KDM3B: variants seen among roughly 807,000 people sequenced by gnomAD.
KDM3B encodes the protein lysine demethylase 3B, also known as lysine-specific demethylase 3B.
A neutral mutation model predicts 170.0 loss-of-function variants in KDM3B; 10 were observed. That is an observed-to-expected ratio of 0.06 (90% CI 0.04 to 0.10). KDM3B has a LOEUF of 0.10. Ranked by LOEUF, KDM3B falls within the 10% of genes least tolerant of loss-of-function variation. The probability of loss-of-function intolerance (pLI) is 1.00; values close to 1 mark genes in which losing one functional copy is unlikely to be tolerated. For synonymous variants in KDM3B, 831 were observed against 834.8 expected (o/e 1.00, Z 0.08); for missense variants, 1,394 against 2,195.2 (o/e 0.64, Z 7.29).
At chr5:138,417,904 T>C in intron 13 of KDM3B, 1 of 237,422 alleles carries the variant, frequency 4.2e-6, no homozygotes, top group Non-Finnish European at 8.3e-6. Context: ...GTAAAGAATA[T>C]AGAAAAGGTT....
intron 23 of KDM3B, among the ~76,000 whole-genome samples, chr5:138,431,832 G>T (rs1763538942): frequency 6.6e-6 from 1 of 151,664 alleles, no homozygotes; most frequent in African/African-American, 2.4e-5. Context: ...AGAATTGCTT[G>T]AACTGGGAGG....
intron 1 of KDM3B, among the ~76,000 whole-genome samples, chr5:138,361,107 T>C (rs967870108): frequency 2.6e-5 from 4 of 152,220 alleles, no homozygotes; most frequent in Non-Finnish European, 4.4e-5. Flanking sequence ...GTGGGTTCTA[T>C]ATAGGCTTTG....
At chr5:138,395,117 G>A (rs1043164125) in intron 9 of KDM3B, among the ~76,000 whole-genome samples, 2 of 152,146 alleles carry the variant, frequency 1.3e-5, no homozygotes, top group Admixed American at 6.5e-5. Context: ...TAACTTGGCC[G>A]TGTTAAATTT....
rs1353050658 is a variant in KDM3B, at chr5:138,419,726, CAT to C, written c.3715+496_3715+497del. On this transcript the variant is annotated intron_variant, in intron 14 of 23. Coordinates refer to ENST00000314358, the MANE Select transcript of KDM3B (RefSeq NM_016604.4). ...ACACACACACATATATATACACACA[CAT>C]ACACACACACACACACACACACACA... is the stretch of plus-strand genomic sequence containing the variant. Among the ~76,000 whole-genome samples, 374 of 80,410 alleles carry C rather than the reference CAT, an allele frequency of 4.7e-3. 4 individuals are homozygous for C. The highest frequency in any genetic ancestry group is 0.026 in the Middle Eastern group (4 of 156). 52.8% of individuals were successfully genotyped at this position (80,410 alleles called of 152,430 possible).
chr5:138,389,359 T>C (rs1171865809), intron 7 of KDM3B, among the ~76,000 whole-genome samples: 1 of 152,258 alleles, frequency 6.6e-6, no homozygotes, highest in Non-Finnish European at 1.5e-5. Flanking sequence ...TTAACTCCTC[T>C]TGTGTATTTA....
At chr5:138,413,909 G>C (rs1763038361) in intron 11 of KDM3B, among the ~76,000 whole-genome samples, 1 of 152,086 alleles carries the variant, frequency 6.6e-6, no homozygotes, top group Non-Finnish European at 1.5e-5. Context: ...GTAAGCCACT[G>C]CACCCAGCCG....
chr5:138,352,978 G>A lies in KDM3B; in HGVS notation c.183G>A (p.Gln61=), dbSNP rs1184701668. Reference sequence around the variant, plus strand: ...GGGCCATGAGCGGGGCGGTGCCCCAGGACCTAGCGGTGAGTGGCGGCCGAG... The same window carrying A: ...GGGCCATGAGCGGGGCGGTGCCCCAAGACCTAGCGGTGAGTGGCGGCCGAG... ...TVRAMSGAVP[Q]DLAIFVEFDG... is the part of the protein sequence containing the mutation. The change falls in exon 1 of 24, where the codon CAG becomes CAA. Residue 61 remains glutamine (Q), a synonymous_variant. Transcript: ENST00000314358. 3.2e-6 allele frequency: 4 copies of A among 1,233,640 alleles called. No individual in the cohort carries two copies. The highest frequency in any genetic ancestry group is 4.0e-6 in the Non-Finnish European group (4 of 988,698). The allele number at this position is 1,233,640 out of a possible 1,614,324, so 76.4% of individuals were successfully genotyped here.
At chr5:138,426,747 C>A in intron 17 of KDM3B, 1 of 432,002 alleles carries the variant, frequency 2.3e-6, no homozygotes, top group Non-Finnish European at 4.3e-6. Context: ...AAAAATTAGC[C>A]AGGCGTGGTG....
intron 17 of KDM3B, chr5:138,426,764 G>A: frequency 2.2e-6 from 1 of 457,016 alleles, no homozygotes; most frequent in Non-Finnish European, 4.0e-6. Context: ...GGTGGTGGTT[G>A]CCTGTAATCC....
At chr5:138,392,596 A>G (rs1384478186) in intron 8 of KDM3B, among the ~76,000 whole-genome samples, 1 of 152,050 alleles carries the variant, frequency 6.6e-6, no homozygotes, top group Non-Finnish European at 1.5e-5. Context: ...CATCCTCTTT[A>G]CTTCAGAGGG....
intron 11 of KDM3B, among the ~76,000 whole-genome samples, chr5:138,400,288 G>A (rs569630167): frequency 1.5e-4 from 22 of 151,694 alleles, no homozygotes; most frequent in South Asian, 6.2e-4. Context: ...AGGTTGGAGC[G>A]CAGCGGCACA....
At chr5:138,412,142 C>G (rs1762986040) in intron 11 of KDM3B, among the ~76,000 whole-genome samples, 2 of 151,020 alleles carry the variant, frequency 1.3e-5, no homozygotes, top group South Asian at 4.2e-4. Context: ...TCGAGACCAG[C>G]CTGGCCAACA....
At position 138,436,404 on chromosome 5, in the gene KDM3B, C is replaced by T. The variant is rs1763673789; in HGVS notation, c.*704C>T. 6.6e-6 allele frequency: 1 copy of T among 152,252 alleles called. No homozygotes were observed. The highest frequency in any genetic ancestry group is 1.5e-5 in the Non-Finnish European group (1 of 68,046). The allele number at this position is 152,252 out of a possible 1,614,324, so 9.4% of individuals were successfully genotyped here. ...CTGGATTATAAGGAAAGGCACATTA[C>T]ATTTAGTCTTCCTTTCGATATAAAA... On this transcript the variant is annotated 3_prime_UTR_variant, in exon 24 of 24. Transcript: ENST00000314358.
In KDM3B at chr5:138,352,832, C is replaced by G; in HGVS notation, c.37C>G (p.Leu13Val). The G allele has an allele frequency of 7.4e-7, 1 of 1,345,120 alleles. No individual in the cohort carries two copies. The allele number at this position is 1,345,120 out of a possible 1,614,324, so 83.3% of individuals were successfully genotyped here. The change falls in exon 1 of 24, where the codon CTG (leucine) becomes GTG (valine). Residue 13 changes from leucine to valine, a missense_variant. Transcript: ENST00000314358. ...GGCGGCCTCCCCGGTGGGCAAGCGG[C>G]TGCTGCTGCTGTTCGCGGACACTGC... Reference protein sequence around the residue: ...DAAASPVGKRLLLLFADTAAS... With the variant: ...DAAASPVGKRVLLLFADTAAS...
intron 8 of KDM3B, 149 bp downstream of exon 8, chr5:138,392,410 C>A: frequency 1.3e-6 from 1 of 783,590 alleles, no homozygotes; most frequent in Non-Finnish European, 1.8e-6. Flanking sequence ...AGAGGCCCCT[C>A]GTCAGGCCTG....
At chr5:138,406,221 C>T (rs12188728) in intron 11 of KDM3B, among the ~76,000 whole-genome samples, 2 of 152,140 alleles carry the variant, frequency 1.3e-5, no homozygotes, top group African/African-American at 4.8e-5. Context: ...TGGCACACAC[C>T]TGTGGTCCCA....
chr5:138,427,407 T>C, intron 19 of KDM3B, 88 bp downstream of exon 19: 1 of 1,437,026 alleles, frequency 7.0e-7, no homozygotes, highest in Non-Finnish European at 9.5e-7. Flanking sequence ...ATGTCAGGTA[T>C]AGAGATGATT....
At chr5:138,357,873 G>A (rs1761493867) in intron 1 of KDM3B, among the ~76,000 whole-genome samples, 1 of 151,420 alleles carries the variant, frequency 6.6e-6, no homozygotes, top group East Asian at 2.0e-4. Flanking sequence ...GCATGCATGA[G>A]ATTAGGTTTC....
chr5:138,406,965 CATT>C (rs1762839149), intron 11 of KDM3B, among the ~76,000 whole-genome samples: 2 of 147,202 alleles, frequency 1.4e-5, no homozygotes, highest in Non-Finnish European at 3.0e-5. Flanking sequence ...AAATTATGAA[CATT>C]ATTATGCCAA....
Sources: allele counts gnomAD v4.1 joint callset (sites outside exome capture counted in the v4.1 genomes callset), GRCh38; gene constraint gnomAD v4.1.1; transcripts MANE v1.5; gene names NCBI Gene and HGNC (gene_info 2026-07-23, HGNC 2026-07-21).